SEMA5A: variants seen among roughly 807,000 people sequenced by gnomAD.
The protein encoded by SEMA5A is semaphorin 5A.
SEMA5A carries 55 observed loss-of-function variants against 135.5 expected under a neutral mutation model. The observed-to-expected ratio is 0.41, with a 90% CI of 0.33 to 0.51. The LOEUF (loss-of-function observed/expected upper bound fraction) is 0.51. SEMA5A is among the 20% of genes least tolerant of loss of function. The pLI, the probability that SEMA5A is intolerant of heterozygous loss-of-function variation, is 0.37. For missense variants in SEMA5A, 1,290 were observed against 1,419.9 expected (o/e 0.91, Z 1.47); for synonymous variants, 580 against 546.5 (o/e 1.06, Z -0.85).
chr5:9,277,340 A>C (rs1750314655), intron 5 of SEMA5A, among the ~76,000 whole-genome samples: 1 of 152,216 alleles, frequency 6.6e-6, no homozygotes. Flanking sequence ...GATGTTGAGA[A>C]ATAGGAATGC....
chr5:9,099,474 A>G (rs1368344214), intron 16 of SEMA5A, among the ~76,000 whole-genome samples: 2 of 152,234 alleles, frequency 1.3e-5, no homozygotes, highest in African/African-American at 4.8e-5. Flanking sequence ...ATTGGGAAAT[A>G]TAAGTGAATG....
chr5:9,399,754 C>A (rs1419137485), intron 2 of SEMA5A, among the ~76,000 whole-genome samples: 1 of 151,948 alleles, frequency 6.6e-6, no homozygotes, highest in Non-Finnish European at 1.5e-5. Context: ...CGGAAAGGGG[C>A]CTTGAGGGGA....
intron 15 of SEMA5A, among the ~76,000 whole-genome samples, chr5:9,109,027 A>ATTTTTTTTTTTTTTTTTTT (rs1305606521): frequency 8.4e-6 from 1 of 118,952 alleles, no homozygotes; most frequent in Admixed American, 9.5e-5. Flanking sequence ...ATTTCTCTTC[A>ATTTTTTTTTTTTTTTTTTT]ATTTTTTTTT....
intron 5 of SEMA5A, among the ~76,000 whole-genome samples, chr5:9,292,767 G>C (rs368381034): frequency 1.3e-5 from 2 of 152,212 alleles, no homozygotes; most frequent in South Asian, 2.1e-4. Context: ...GTGTAGACCA[G>C]GGTTTCTCAA....
chr5:9,273,888 C>G (rs1435057149), intron 5 of SEMA5A, among the ~76,000 whole-genome samples: 1 of 152,078 alleles, frequency 6.6e-6, no homozygotes, highest in Non-Finnish European at 1.5e-5. Context: ...CAAAAACATA[C>G]CAAATTGTAA....
At chr5:9,532,284 G>C (rs1213785192) in intron 1 of SEMA5A, among the ~76,000 whole-genome samples, 1 of 140,520 alleles carries the variant, frequency 7.1e-6, no homozygotes, top group Non-Finnish European at 1.5e-5. Flanking sequence ...TTTTTTTTTT[G>C]AGACAGAGTC....
intron 5 of SEMA5A, among the ~76,000 whole-genome samples, chr5:9,266,110 G>A (rs947587937): frequency 3.3e-5 from 5 of 152,198 alleles, no homozygotes; most frequent in African/African-American, 1.2e-4. Flanking sequence ...TCCAAATACT[G>A]CTGGTGCTAC....
intron 4 of SEMA5A, among the ~76,000 whole-genome samples, chr5:9,330,619 A>C (rs1753090710): frequency 6.6e-6 from 1 of 152,162 alleles, no homozygotes; most frequent in African/African-American, 2.4e-5. Context: ...TAAGAACATT[A>C]ATGTTTGGCA....
intron 3 of SEMA5A, among the ~76,000 whole-genome samples, chr5:9,373,192 G>A (rs1013246921): frequency 6.6e-5 from 10 of 152,200 alleles, no homozygotes; most frequent in Non-Finnish European, 1.3e-4. Context: ...AGCAATGCAT[G>A]CAACACACAC....
intron 5 of SEMA5A, among the ~76,000 whole-genome samples, chr5:9,263,758 A>G (rs558628050): frequency 6.6e-6 from 1 of 152,334 alleles, no homozygotes; most frequent in South Asian, 2.1e-4. Context: ...AGTTATCCTC[A>G]TCGATCACAT....
chr5:9,127,475 A>G (rs1032777777), intron 13 of SEMA5A, among the ~76,000 whole-genome samples: 1 of 152,178 alleles, frequency 6.6e-6, no homozygotes, highest in Non-Finnish European at 1.5e-5. Flanking sequence ...AGCCCTGGGA[A>G]TAATGGCATG....
At chr5:9,268,670 G>C (rs1749812120) in intron 5 of SEMA5A, among the ~76,000 whole-genome samples, 1 of 152,084 alleles carries the variant, frequency 6.6e-6, no homozygotes, top group Non-Finnish European at 1.5e-5. Context: ...AAGATAATTA[G>C]ATGTTAATAA....
At chr5:9,432,053 T>C (rs1757874778) in intron 2 of SEMA5A, among the ~76,000 whole-genome samples, 1 of 152,146 alleles carries the variant, frequency 6.6e-6, no homozygotes, top group South Asian at 2.1e-4. Context: ...AGGCAAGATT[T>C]CCCAAGTTCC....
intron 1 of SEMA5A, among the ~76,000 whole-genome samples, chr5:9,529,187 G>A (rs571191364): frequency 1.2e-4 from 18 of 152,332 alleles, no homozygotes; most frequent in Non-Finnish European, 2.1e-4. Flanking sequence ...AACTGTGGCC[G>A]TGTGCTCTAG....
chr5:9,259,385 A>T (rs933214307), intron 5 of SEMA5A, among the ~76,000 whole-genome samples: 21 of 151,930 alleles, frequency 1.4e-4, no homozygotes, highest in Admixed American at 9.2e-4. Flanking sequence ...CTTAATCCTG[A>T]GTTCTAGTTT....
chr5:9,351,469 G>GT (rs34346753), intron 3 of SEMA5A, among the ~76,000 whole-genome samples: 26,735 of 148,314 alleles, frequency 0.18, 2,574 homozygotes, highest in Middle Eastern at 0.26. Flanking sequence ...AGCCCCCACC[G>GT]TTTTTTTTTC....
chr5:9,533,302 G>GGAATGCAGGAAAGGAGTCAAT (rs1322635269), intron 1 of SEMA5A, among the ~76,000 whole-genome samples: 5 of 152,108 alleles, frequency 3.3e-5, no homozygotes, highest in African/African-American at 1.2e-4. Flanking sequence ...TTACAACATT[G>GGAATGCAGGAAAGGAGTCAAT]GCTTGCTCCT....
intron 16 of SEMA5A, among the ~76,000 whole-genome samples, chr5:9,069,515 G>C (rs182782491): frequency 5.8e-4 from 89 of 152,168 alleles, no homozygotes; most frequent in African/African-American, 1.5e-3. Flanking sequence ...ACTTTACCTG[G>C]GAACCTAATA....
At chr5:9,176,890 A>T (rs1290993141) in intron 11 of SEMA5A, among the ~76,000 whole-genome samples, 2 of 152,252 alleles carry the variant, frequency 1.3e-5, no homozygotes, top group African/African-American at 2.4e-5. Flanking sequence ...GAATGCACAG[A>T]TGGGTGACCA....
Sources: gnomAD v4.1 joint callset for allele counts (sites outside exome capture counted in the v4.1 genomes callset) on GRCh38, gnomAD v4.1.1 for gene constraint, MANE v1.5 for transcripts, NCBI Gene and HGNC (gene_info 2026-07-23, HGNC 2026-07-21) for gene names.